Variants in LDLRAD1 observed in about 807,000 individuals in gnomAD.
The protein encoded by LDLRAD1 is low density lipoprotein receptor class A domain containing 1, also known as low-density lipoprotein receptor class A domain-containing protein 1.
In LDLRAD1, 17 loss-of-function variants were observed where a neutral mutation model predicts 24.8. That is an observed-to-expected ratio of 0.69 (90% CI 0.47 to 1.03). LDLRAD1 has a LOEUF of 1.03. Among genes scored for constraint, LDLRAD1 ranks in the 50% least tolerant of loss-of-function variants. The pLI, the probability that LDLRAD1 is intolerant of heterozygous loss-of-function variation, is 0.00. For missense variants in LDLRAD1, 277 were observed against 271.0 expected (o/e 1.02, Z -0.16); for synonymous variants, 103 against 108.2 (o/e 0.95, Z 0.30).
intron 4 of LDLRAD1, 94 bp from the exon 5 acceptor site, chr1:54,010,504 C>A: frequency 7.5e-7 from 1 of 1,331,012 alleles, no homozygotes; most frequent in South Asian, 1.3e-5. Flanking sequence ...TGGCAGTGGC[C>A]AAACTCAGGA....
In LDLRAD1 at chr1:54,017,416, G is replaced by C; in HGVS notation, c.33C>G (p.Gly11=). The part of the protein sequence containing the change: MNKVFPQGEN[G]YTAAESKAHP... ...GGGCTTTGGATTCAGCAGCAGTGTA[G>C]CCATTCTCTCCCTGCCCAAGAGAAC... The change falls in exon 2 of 6, where the codon GGC becomes GGG. Residue 11 remains glycine (G), a synonymous_variant. Coordinates refer to ENST00000371360, the MANE Select transcript of LDLRAD1 (RefSeq NM_001010978.4). The C allele has an allele frequency of 6.2e-7, 1 of 1,603,160 alleles. No homozygotes were observed.
At chr1:54,012,436 C>T (rs759689291) in intron 3 of LDLRAD1, among the ~76,000 whole-genome samples, 156 bp from the exon 4 acceptor site, 5 of 152,174 alleles carry the variant, frequency 3.3e-5, no homozygotes, top group African/African-American at 9.7e-5. Context: ...CAGCTGTACC[C>T]GCTGCCGGCT....
intron 2 of LDLRAD1, among the ~76,000 whole-genome samples, chr1:54,015,043 T>C (rs1053300999): frequency 6.6e-6 from 1 of 152,232 alleles, no homozygotes; most frequent in African/African-American, 2.4e-5. Context: ...GATTAGAATT[T>C]GTTGAGTTAA....
chr1:54,013,675 C>G (rs1263261952), intron 3 of LDLRAD1, among the ~76,000 whole-genome samples: 1 of 152,142 alleles, frequency 6.6e-6, no homozygotes, highest in Non-Finnish European at 1.5e-5. Context: ...TACTAATACC[C>G]ATTGTTCCTA....
intron 2 of LDLRAD1, among the ~76,000 whole-genome samples, chr1:54,016,751 A>G (rs1166095688): frequency 6.6e-6 from 1 of 152,174 alleles, no homozygotes; most frequent in Non-Finnish European, 1.5e-5. Flanking sequence ...TTATTGCCCC[A>G]TAACAGGGCC....
intron 2 of LDLRAD1, among the ~76,000 whole-genome samples, chr1:54,015,784 T>C (rs886670321): frequency 6.6e-6 from 1 of 151,580 alleles, no homozygotes; most frequent in Admixed American, 6.6e-5. Flanking sequence ...GCCTCCCGAG[T>C]AGCTGGGATG....
Position 54,008,838 on chromosome 1 carries a change from G to T in LDLRAD1, c.*144C>A. On this transcript the variant is annotated 3_prime_UTR_variant, in exon 6 of 6. Coordinates refer to ENST00000371360, the MANE Select transcript of LDLRAD1 (RefSeq NM_001010978.4). ...GCAGAGGCTGAACAACTTGAAAGGA[G>T]GAGAGAAAATTCCTATTCAGAAATG... is the stretch of plus-strand genomic sequence containing the variant. The T allele has an allele frequency of 1.4e-6, 1 of 737,070 alleles. No individual in the cohort carries two copies. Among genetic ancestry groups the T allele is most frequent in the Non-Finnish European group, 2.2e-6 (1 of 447,810 alleles). 45.7% of individuals were successfully genotyped at this position (737,070 alleles called of 1,614,324 possible). A position where few individuals can be genotyped will look rare whatever the true frequency, so the allele number is the denominator to read the frequency against.
chr1:54,016,057 T>G (rs1422383577), intron 2 of LDLRAD1, among the ~76,000 whole-genome samples: 1 of 152,114 alleles, frequency 6.6e-6, no homozygotes. Flanking sequence ...TCCATTCACA[T>G]TTCTGATGCA....
chr1:54,014,153 G>A, intron 3 of LDLRAD1, 83 bp downstream of exon 3: 1 of 1,490,386 alleles, frequency 6.7e-7, no homozygotes, highest in South Asian at 1.3e-5. Flanking sequence ...GAGAAGCCAG[G>A]CAGGTCGGGG....
In LDLRAD1 at chr1:54,009,057, T is replaced by TA. The variant is rs1461282059; in HGVS notation, c.542dup (p.Pro182ThrfsTer18). ...CATGGTCGCGGCAGAGATGCCTCGG[T>TA]ATACAGTCGCAGTACTTGAAGAAGG... On this transcript the variant is annotated frameshift_variant, in exon 6 of 6. Coordinates refer to ENST00000371360, the MANE Select transcript of LDLRAD1 (RefSeq NM_001010978.4). LOFTEE classifies it high-confidence loss of function. The TA allele has an allele frequency of 2.5e-6, 4 of 1,613,906 alleles. No individual in the cohort carries two copies. Among genetic ancestry groups the TA allele is most frequent in the Non-Finnish European group, 3.4e-6 (4 of 1,179,964 alleles).
rs1454383093 is a variant in LDLRAD1 at position 54,017,384 on chromosome 1, C to T, written c.65G>A (p.Gly22Glu). 1.2e-6 allele frequency: 2 copies of T among 1,602,332 alleles called. No individual in the cohort carries two copies. Among genetic ancestry groups the T allele is most frequent in the Non-Finnish European group, 1.7e-6 (2 of 1,173,922 alleles). The part of the protein sequence containing the change: ...YTAAESKAHP[G>E]GEAGGGHLCC... Reference sequence around the variant, plus strand: ...GCCCTCCAGTTCTTTACCTTCCCCTCCAGGGTGGGCTTTGGATTCAGCAGC... The same window carrying T: ...GCCCTCCAGTTCTTTACCTTCCCCTTCAGGGTGGGCTTTGGATTCAGCAGC... Residue 22 changes from glycine to glutamate, a missense_variant, in exon 2 of 6, where the codon GGA becomes GAA. Physicochemically the swap from Gly to Glu is moderately conservative, Grantham distance 98. Coordinates refer to ENST00000371360, the MANE Select transcript of LDLRAD1 (RefSeq NM_001010978.4).
rs767310515 is a variant in LDLRAD1, at chr1:54,012,124, G to T, written c.340+19C>A. 41 of 1,612,458 alleles carry T rather than the reference G, an allele frequency of 2.5e-5. No homozygotes were observed. The highest frequency in any genetic ancestry group is 1.7e-4 in the Middle Eastern group (1 of 5,896). The stretch of plus-strand genomic sequence containing the variant: ...TGTGGGGGAACCCCTGGGAGGGGCA[G>T]CACCGAGCGGGTACTCACGGCACAA... On this transcript the variant is annotated intron_variant, in intron 4 of 5. Transcript: ENST00000371360.
At position 54,009,065 on chromosome 1, in the gene LDLRAD1, C is replaced by T. The variant is rs141759859; in HGVS notation, c.535G>A (p.Asp179Asn). The change falls in exon 6 of 6, where the codon GAC (aspartate) becomes AAC (asparagine). Residue 179 changes from aspartate to asparagine, a missense_variant. Asp to Asn is a conservative substitution (Grantham distance 23). Transcript: ENST00000371360. ...RCPSTFFKYC[D>N]CIPRHLCRDH... ...CGGCAGAGATGCCTCGGTATACAGT[C>T]GCAGTACTTGAAGAAGGTTGAAGGA... 373 of 1,613,970 alleles carry T rather than the reference C, an allele frequency of 2.3e-4. 2 individuals carry two copies. In the East Asian group the frequency reaches 2.8e-3, roughly 12 times the overall value.
rs1655908950 is a variant in LDLRAD1, at chr1:54,008,594, G to C, written c.*388C>G. On this transcript the variant is annotated 3_prime_UTR_variant, in exon 6 of 6. Transcript: ENST00000371360. ...AGACAGGGTCTCACTGTGTTGCTCA[G>C]GCTGGAGTGCAGTGGTGTGGTCACA... The C allele has an allele frequency of 6.1e-6, 1 of 164,976 alleles. No individual in the cohort carries two copies. Among genetic ancestry groups the C allele is most frequent in the Non-Finnish European group, 1.3e-5 (1 of 76,634 alleles). 10.2% of individuals were successfully genotyped at this position (164,976 alleles called of 1,614,324 possible). A position where few individuals can be genotyped will look rare whatever the true frequency, so the allele number is the denominator to read the frequency against.
chr1:54,017,309 C>T, intron 2 of LDLRAD1, 67 bp downstream of exon 2: 1 of 1,349,592 alleles, frequency 7.4e-7, no homozygotes, highest in Non-Finnish European at 1.0e-6. Context: ...CCTCATGTCT[C>T]TATCGCCAAC....
intron 2 of LDLRAD1, 75 bp from the exon 3 acceptor site, chr1:54,014,439 G>C: frequency 7.3e-7 from 1 of 1,373,120 alleles, no homozygotes; most frequent in South Asian, 1.3e-5. Context: ...CTCCCTCTCC[G>C]CCCTGCCCGC....
chr1:54,012,089 A>G, intron 4 of LDLRAD1, 54 bp downstream of exon 4: 1 of 1,601,672 alleles, frequency 6.2e-7, no homozygotes, highest in Non-Finnish European at 8.5e-7. Context: ...GGATGCCAAG[A>G]GCATCGGAGT....
chr1:54,010,193 G>T lies in LDLRAD1; in HGVS notation c.469+89C>A, dbSNP rs1416018939. 17 of 1,470,458 alleles carry T rather than the reference G, an allele frequency of 1.2e-5. No homozygotes were observed. In the East Asian group the frequency reaches 3.4e-4, roughly 30 times the overall value. The allele number at this position is 1,470,458 out of a possible 1,614,324, so 91.1% of individuals were successfully genotyped here. A position where few individuals can be genotyped will look rare whatever the true frequency, so the allele number is the denominator to read the frequency against. On this transcript the variant is annotated intron_variant, in intron 5 of 5. Transcript: ENST00000371360. ...CCTAGGATGCAGGGAAGCATGCAAGGGGGAGCCCTAGAGATTCCCTGCTCA... is the reference window on the plus strand; with the variant it reads ...CCTAGGATGCAGGGAAGCATGCAAGTGGGAGCCCTAGAGATTCCCTGCTCA...
At chr1:54,013,933 A>G (rs1157049210) in intron 3 of LDLRAD1, among the ~76,000 whole-genome samples, 3 of 151,964 alleles carry the variant, frequency 2.0e-5, no homozygotes, top group African/African-American at 4.8e-5. Context: ...GAGGAAGTGT[A>G]GGGACTGGGG....
Sources: gnomAD v4.1 joint callset for allele counts (sites outside exome capture counted in the v4.1 genomes callset) on GRCh38, gnomAD v4.1.1 for gene constraint, MANE v1.5 for transcripts, NCBI Gene and HGNC (gene_info 2026-07-23, HGNC 2026-07-21) for gene names.